The following DSCAM variants were observed in gnomAD, a reference collection of about 807,000 sequenced individuals.
DSCAM encodes DS cell adhesion molecule.
In DSCAM, 47 loss-of-function variants were observed where a neutral mutation model predicts 217.7. The observed-to-expected ratio is 0.22, with a 90% CI of 0.17 to 0.28. DSCAM has a LOEUF of 0.28. Among genes scored for constraint, DSCAM ranks in the 10% least tolerant of loss-of-function variants. The probability of loss-of-function intolerance (pLI) is 1.00; values close to 1 mark genes in which losing one functional copy is unlikely to be tolerated. For synonymous variants in DSCAM, 1,056 were observed against 1,015.3 expected (o/e 1.04, Z -0.76); for missense variants, 2,080 against 2,618.3 (o/e 0.79, Z 4.49).
intron 10 of DSCAM, among the ~76,000 whole-genome samples, chr21:40,277,760 C>T (rs529690397): frequency 1.8e-3 from 263 of 149,578 alleles, no homozygotes; most frequent in South Asian, 4.2e-3. Context: ...ATCCCAGCTA[C>T]TTGAGAGGCT....
intron 1 of DSCAM, among the ~76,000 whole-genome samples, chr21:40,737,183 A>G (rs995842195): frequency 1.3e-4 from 20 of 152,072 alleles, no homozygotes; most frequent in African/African-American, 4.6e-4. Context: ...TTGAATTCTG[A>G]CTCTTGGTTA....
At chr21:40,334,536 AGC>A (rs975538761) in intron 8 of DSCAM, among the ~76,000 whole-genome samples, 4 of 152,066 alleles carry the variant, frequency 2.6e-5, no homozygotes, top group African/African-American at 9.7e-5. Flanking sequence ...CCCTGGTCCA[AGC>A]CACCATCATC....
chr21:40,079,014 C>T, intron 25 of DSCAM, 37 bp from the exon 26 acceptor site: 1 of 1,596,684 alleles, frequency 6.3e-7, no homozygotes, highest in South Asian at 1.1e-5. Context: ...GCTCACAGGA[C>T]ACATGGGGAG....
intron 11 of DSCAM, among the ~76,000 whole-genome samples, chr21:40,224,532 TG>T (rs2091314676): frequency 6.6e-6 from 1 of 152,170 alleles, no homozygotes; most frequent in Non-Finnish European, 1.5e-5. Flanking sequence ...AGCTCTATGA[TG>T]GGGAAAGACT....
intron 3 of DSCAM, among the ~76,000 whole-genome samples, chr21:40,436,296 A>T (rs2075581921): frequency 6.6e-6 from 1 of 152,228 alleles, no homozygotes; most frequent in South Asian, 2.1e-4. Context: ...AAAGATTAAT[A>T]TGGAAAAATT....
chr21:40,125,637 T>C (rs1367453234), intron 19 of DSCAM, among the ~76,000 whole-genome samples: 1 of 151,930 alleles, frequency 6.6e-6, no homozygotes, highest in Non-Finnish European at 1.5e-5. Context: ...ATAGTCACCA[T>C]TTGAAAATAT....
chr21:40,128,396 G>A (rs759280115), intron 19 of DSCAM, among the ~76,000 whole-genome samples: 1 of 151,864 alleles, frequency 6.6e-6, no homozygotes, highest in African/African-American at 2.4e-5. Context: ...ATGATGGACA[G>A]ATTCCTCCCA....
chr21:40,040,299 T>TA (rs1361307732), intron 32 of DSCAM, among the ~76,000 whole-genome samples: 2 of 152,210 alleles, frequency 1.3e-5, no homozygotes, highest in African/African-American at 4.8e-5. Context: ...TCCATTGCTC[T>TA]AATGGGTCCA....
At chr21:40,660,219 T>C (rs1413912523) in intron 3 of DSCAM, among the ~76,000 whole-genome samples, 2 of 152,184 alleles carry the variant, frequency 1.3e-5, no homozygotes, top group Non-Finnish European at 2.9e-5. Flanking sequence ...CTTGAAAATC[T>C]GAGTCCTTAA....
At chr21:40,078,299 A>C (rs393819) in intron 26 of DSCAM, among the ~76,000 whole-genome samples, 48,249 of 152,034 alleles carry the variant, frequency 0.32, 9,025 homozygotes, top group South Asian at 0.63. Context: ...TAATGAGTGC[A>C]AAAAAGAAAG....
intron 1 of DSCAM, among the ~76,000 whole-genome samples, chr21:40,759,229 G>A (rs1375351550): frequency 1.3e-5 from 2 of 151,942 alleles, no homozygotes; most frequent in Non-Finnish European, 2.9e-5. Flanking sequence ...CAGTCCCCAG[G>A]CTCTCAGCCT....
chr21:40,660,680 T>A (rs946777917), intron 3 of DSCAM, among the ~76,000 whole-genome samples: 5 of 152,150 alleles, frequency 3.3e-5, no homozygotes, highest in Non-Finnish European at 7.3e-5. Context: ...TTTAGATAGC[T>A]ATCTAAAATG....
intron 3 of DSCAM, among the ~76,000 whole-genome samples, chr21:40,681,077 A>AT (rs1251050358): frequency 1.3e-5 from 2 of 152,202 alleles, no homozygotes; most frequent in Non-Finnish European, 2.9e-5. Context: ...TTTTGAGGCA[A>AT]TTTTTTCATG....
chr21:40,230,842 T>A (rs1052053200), intron 11 of DSCAM, among the ~76,000 whole-genome samples: 1 of 152,046 alleles, frequency 6.6e-6, no homozygotes, highest in African/African-American at 2.4e-5. Context: ...TACTTATGAT[T>A]AAATCTCAGT....
chr21:40,460,880 A>G (rs908528967), intron 3 of DSCAM, among the ~76,000 whole-genome samples: 5 of 152,256 alleles, frequency 3.3e-5, no homozygotes, highest in African/African-American at 1.2e-4. Context: ...ATATATACAG[A>G]GACAAATTTG....
At chr21:40,136,157 G>A (rs1228552712) in intron 18 of DSCAM, among the ~76,000 whole-genome samples, 1 of 152,234 alleles carries the variant, frequency 6.6e-6, no homozygotes, top group Admixed American at 6.5e-5. Flanking sequence ...TTACGAAAAT[G>A]AGGAGACTGT....
At chr21:40,085,897 G>T (rs2089526522) in intron 22 of DSCAM, 132 bp from the exon 23 acceptor site, 1 of 754,476 alleles carries the variant, frequency 1.3e-6, no homozygotes, top group Admixed American at 3.8e-5. Context: ...CATTATGAAA[G>T]AACTAAATAT....
intron 6 of DSCAM, among the ~76,000 whole-genome samples, chr21:40,341,143 GAA>G (rs2074486830): frequency 6.6e-6 from 1 of 152,156 alleles, no homozygotes; most frequent in Admixed American, 6.5e-5. Flanking sequence ...TATCAGAGAT[GAA>G]AAAGACAACT....
chr21:40,843,528 G>A (rs2092119619), intron 1 of DSCAM, among the ~76,000 whole-genome samples: 2 of 152,108 alleles, frequency 1.3e-5, no homozygotes, highest in Admixed American at 1.3e-4. Flanking sequence ...AAACTAGAAT[G>A]TGCTCTGGGG....
Sources: gnomAD v4.1 joint callset for allele counts (sites outside exome capture counted in the v4.1 genomes callset) on GRCh38, gnomAD v4.1.1 for gene constraint, MANE v1.5 for transcripts, NCBI Gene and HGNC (gene_info 2026-07-23, HGNC 2026-07-21) for gene names.